The following MYMX variants were observed in gnomAD, a reference collection of about 807,000 sequenced individuals.
The protein encoded by MYMX is myomixer, myoblast fusion factor.
At chr6:44,207,178 T>C in the MYMX span, among the ~76,000 whole-genome samples, 1 of 152,228 alleles carries the variant, frequency 6.6e-6, no homozygotes, top group Admixed American at 6.5e-5. Flanking sequence ...TTTTTTTTTT[T>C]GAGACGGAGT....
At chr6:44,208,218 G>GTGAGATCTCACT in the MYMX span, among the ~76,000 whole-genome samples, 85 of 148,448 alleles carry the variant, frequency 5.7e-4, no homozygotes, top group Middle Eastern at 6.9e-3. Context: ...CTGCATGCCA[G>GTGAGATCTCACT]CTTGGGCAAC....
At chr6:44,214,917 A>G (rs1775779926), upstream of MYMX, among the ~76,000 whole-genome samples, 1 of 152,140 alleles carries the variant, frequency 6.6e-6, no homozygotes, top group South Asian at 2.1e-4. Context: ...AGCTTGGCAT[A>G]TGTGTGTACC....
At chr6:44,204,812 G>T in the MYMX span, among the ~76,000 whole-genome samples, 5 of 152,178 alleles carry the variant, frequency 3.3e-5, no homozygotes, top group Admixed American at 6.5e-5. Flanking sequence ...TTATATTTTT[G>T]TGGGACTCCT....
chr6:44,212,225 G>A (rs916918675), upstream of MYMX, among the ~76,000 whole-genome samples: 2 of 151,752 alleles, frequency 1.3e-5, no homozygotes, highest in African/African-American at 4.8e-5. Context: ...GGGCAACATG[G>A]CCAAACATGT....
chr6:44,199,490 G>A, the MYMX span, among the ~76,000 whole-genome samples: 13 of 152,150 alleles, frequency 8.5e-5, no homozygotes, highest in East Asian at 1.9e-4. Flanking sequence ...GAGCCCCCAC[G>A]CCTGGCCCCC....
chr6:44,204,293 A>G, the MYMX span, among the ~76,000 whole-genome samples: 26 of 152,318 alleles, frequency 1.7e-4, no homozygotes, highest in Non-Finnish European at 1.3e-4. Flanking sequence ...GAAGGACTGT[A>G]CATTTAAATA....
chr6:44,193,129 C>T, the MYMX span, among the ~76,000 whole-genome samples: 2 of 152,010 alleles, frequency 1.3e-5, no homozygotes. Flanking sequence ...ACTCATCTGT[C>T]AAGGAAGAGA....
chr6:44,202,217 T>G, the MYMX span, among the ~76,000 whole-genome samples: 1 of 152,140 alleles, frequency 6.6e-6, no homozygotes, highest in African/African-American at 2.4e-5. Context: ...TCTTCACCAT[T>G]GACCCAGAGC....
upstream of MYMX, among the ~76,000 whole-genome samples, chr6:44,213,681 G>T (rs1041168399): frequency 2.6e-5 from 4 of 152,154 alleles, no homozygotes; most frequent in African/African-American, 9.7e-5. Context: ...TGGCCTCCCA[G>T]AGTGCTGGGA....
At chr6:44,203,942 G>C in the MYMX span, among the ~76,000 whole-genome samples, 3 of 152,076 alleles carry the variant, frequency 2.0e-5, no homozygotes, top group Non-Finnish European at 4.4e-5. Context: ...CTGCCTCCCG[G>C]GTTCAAGAGA....
the MYMX span, among the ~76,000 whole-genome samples, chr6:44,199,295 C>T: frequency 6.6e-6 from 1 of 152,098 alleles, no homozygotes; most frequent in Non-Finnish European, 1.5e-5. Flanking sequence ...TTCCCAGGCT[C>T]AGGTGATCCT....
upstream of MYMX, among the ~76,000 whole-genome samples, chr6:44,216,126 G>A (rs1375269360): frequency 6.6e-6 from 1 of 152,142 alleles, no homozygotes; most frequent in Non-Finnish European, 1.5e-5. Flanking sequence ...CCCAGGAGAG[G>A]GCCCACAGGG....
At chr6:44,214,972 A>T (rs1276506155), upstream of MYMX, among the ~76,000 whole-genome samples, 1 of 152,152 alleles carries the variant, frequency 6.6e-6, no homozygotes, top group African/African-American at 2.4e-5. Flanking sequence ...CATGGTCATC[A>T]TACCTTCTCC....
upstream of MYMX, among the ~76,000 whole-genome samples, chr6:44,213,975 T>A (rs2128330561): frequency 6.6e-6 from 1 of 152,300 alleles, no homozygotes; most frequent in East Asian, 1.9e-4. Context: ...CATGCTCAGC[T>A]AATTTTTTTA....
chr6:44,206,879 C>T, the MYMX span, among the ~76,000 whole-genome samples: 2 of 152,100 alleles, frequency 1.3e-5, no homozygotes, highest in Non-Finnish European at 2.9e-5. Context: ...GAGCCCGAGA[C>T]ATGAAGTGAC....
the MYMX span, among the ~76,000 whole-genome samples, chr6:44,202,743 T>A: frequency 6.6e-6 from 1 of 151,932 alleles, no homozygotes; most frequent in South Asian, 2.1e-4. Context: ...GGGCAGTTAA[T>A]CCCAGGAAGA....
At chr6:44,199,509 T>C in the MYMX span, among the ~76,000 whole-genome samples, 31 of 152,234 alleles carry the variant, frequency 2.0e-4, no homozygotes, top group South Asian at 6.4e-3. Flanking sequence ...CCCTCTTCTT[T>C]TTCTTCTTCA....
At chr6:44,200,862 GT>G in the MYMX span, among the ~76,000 whole-genome samples, 17 of 152,130 alleles carry the variant, frequency 1.1e-4, no homozygotes, top group Non-Finnish European at 2.4e-4. Flanking sequence ...TGAGTGGGGG[GT>G]GGGGGGCAGT....
chr6:44,199,108 A>AT, the MYMX span, among the ~76,000 whole-genome samples: 1 of 152,136 alleles, frequency 6.6e-6, no homozygotes, highest in Admixed American at 6.5e-5. Flanking sequence ...CTATTCTTGC[A>AT]TTTTGCCACA....
Sources: gnomAD v4.1 joint callset for allele counts (sites outside exome capture counted in the v4.1 genomes callset) on GRCh38, gnomAD v4.1.1 for gene constraint, MANE v1.5 for transcripts, NCBI Gene and HGNC (gene_info 2026-07-23, HGNC 2026-07-21) for gene names.